The following ANXA9 variants were observed in gnomAD, a reference collection of about 807,000 sequenced individuals.
ANXA9 encodes annexin A9, also known as annexin 31.
A neutral mutation model predicts 51.8 loss-of-function variants in ANXA9; 47 were observed. The ratio of observed to expected loss-of-function variants is 0.91; its 90% CI spans 0.72 to 1.16. ANXA9 has a LOEUF of 1.16. Among genes scored for constraint, ANXA9 ranks in the 50% most tolerant of loss-of-function variants. ANXA9 has a pLI of 0.00. For synonymous variants in ANXA9, 154 were observed against 168.7 expected, an observed-to-expected ratio of 0.91 and a Z score of 0.68; for missense variants, 361 against 424.7, an observed-to-expected ratio of 0.85 and a Z score of 1.32.
Position 150,986,585 on chromosome 1 carries a change from A to G in ANXA9, c.553-17A>G. 1 of 1,611,300 alleles carries G rather than the reference A, an allele frequency of 6.2e-7. No individual in the cohort carries two copies. The highest frequency in any genetic ancestry group is 8.5e-7 in the Non-Finnish European group (1 of 1,178,926). On this transcript the variant is annotated splice_polypyrimidine_tract_variant and intron_variant, in intron 8 of 13. Coordinates refer to ENST00000368947, the MANE Select transcript of ANXA9 (RefSeq NM_003568.3). The stretch of plus-strand genomic sequence containing the variant: ...GTGCCCTTCAAAGAGCCCTCTAAGA[A>G]CAGTTTCTCCTCCTAGGGGGGCCGT...
intron 12 of ANXA9, among the ~76,000 whole-genome samples, chr1:150,993,633 C>CTTTTTTT (rs35186445): frequency 9.6e-6 from 1 of 104,186 alleles, no homozygotes; most frequent in Non-Finnish European, 1.8e-5. Context: ...TTCTTTCTTT[C>CTTTTTTT]TTTTTTTTTT....
intron 12 of ANXA9, among the ~76,000 whole-genome samples, chr1:150,990,251 C>T (rs1289018393): frequency 6.6e-6 from 1 of 151,228 alleles, no homozygotes; most frequent in South Asian, 2.1e-4. Context: ...TTAGAAGTTA[C>T]AGTGAGCTGT....
upstream of ANXA9, among the ~76,000 whole-genome samples, chr1:150,977,460 C>T (rs587726435): frequency 3.6e-4 from 55 of 152,340 alleles, no homozygotes; most frequent in African/African-American, 1.1e-3. Flanking sequence ...TCCCCCAACA[C>T]GCAGGCTGGC....
In ANXA9 at chr1:150,988,359, T is replaced by G; in HGVS notation, c.852+18T>G. On this transcript the variant is annotated intron_variant, in intron 12 of 13. Transcript: ENST00000368947. ...CCCTCCAGGTGAGAGGGGCACTCCT[T>G]TCCCTCCCCAGAACAGAAACTGGGG... The G allele has an allele frequency of 6.2e-7, 1 of 1,613,070 alleles. No individual in the cohort carries two copies. The highest frequency in any genetic ancestry group is 8.5e-7 in the Non-Finnish European group (1 of 1,179,486).
At chr1:150,984,114 AC>A in intron 5 of ANXA9, 45 bp downstream of exon 5, 1 of 1,589,582 alleles carries the variant, frequency 6.3e-7, no homozygotes, top group South Asian at 1.1e-5. Flanking sequence ...GGGGTGAGAA[AC>A]CCCCTGGAGG....
At chr1:150,994,245 C>T (rs1671778597) in intron 12 of ANXA9, among the ~76,000 whole-genome samples, 1 of 152,148 alleles carries the variant, frequency 6.6e-6, no homozygotes, top group South Asian at 2.1e-4. Context: ...TGCACCAAAT[C>T]TTTTCTAGCC....
rs1266015733 is a variant in ANXA9, at chr1:150,984,601, G to A, written c.397G>A (p.Val133Met). 4.3e-6 allele frequency: 7 copies of A among 1,614,114 alleles called. No individual in the cohort carries two copies. The highest frequency in any genetic ancestry group is 5.9e-6 in the Non-Finnish European group (7 of 1,179,992). The change falls in exon 7 of 14, where the codon GTG becomes ATG. Residue 133 changes from valine to methionine, a missense_variant. Physicochemically the swap from Val to Met is conservative, Grantham distance 21. Transcript: ENST00000368947. ...TTTCTTGTAGGCCTCAGATTCTGCTGTGGACGTGGCCATTGAAATTCTTGC... is the reference window on the plus strand; with the variant it reads ...TTTCTTGTAGGCCTCAGATTCTGCTATGGACGTGGCCATTGAAATTCTTGC... ...RTALKASDSA[V>M]DVAIEILATR...
intron 12 of ANXA9, among the ~76,000 whole-genome samples, chr1:150,990,044 C>G (rs990525550): frequency 6.6e-6 from 1 of 152,034 alleles, no homozygotes; most frequent in Non-Finnish European, 1.5e-5. Context: ...CATGGTGGCT[C>G]ACACCTGTAA....
intron 12 of ANXA9, among the ~76,000 whole-genome samples, chr1:150,992,503 C>T (rs757602134): frequency 3.9e-5 from 6 of 152,068 alleles, no homozygotes; most frequent in Admixed American, 3.3e-4. Context: ...GACCTGAGAT[C>T]GCACCACTGC....
chr1:150,986,331 C>G lies in ANXA9; in HGVS notation c.473-5C>G. 1 of 1,613,922 alleles carries G rather than the reference C, an allele frequency of 6.2e-7. No homozygotes were observed. Among genetic ancestry groups the G allele is most frequent in the Non-Finnish European group, 8.5e-7 (1 of 1,179,838 alleles). On this transcript the variant is annotated splice_region_variant and splice_polypyrimidine_tract_variant and intron_variant, in intron 7 of 13. Coordinates refer to ENST00000368947, the MANE Select transcript of ANXA9 (RefSeq NM_003568.3). ...GGATTCAGAGAGCTCCTCACCCCAC[C>G]CCAGATTTCCAGGTGGAGGCTGTGG... is the stretch of plus-strand genomic sequence containing the variant.
rs1431109061 is a variant in ANXA9, at chr1:150,983,575, GGT to G, written c.172+146_172+147del. On this transcript the variant is annotated intron_variant, in intron 4 of 13. Transcript: ENST00000368947. ...TTCTTGTATGTCAGGCGCCACAGTA[GGT>G]GTGTCAAACCCATTCTCACAACACC... 7.3e-6 allele frequency: 6 copies of G among 826,882 alleles called. No homozygotes were observed. The Admixed American group carries it at 1.6e-4, about 22-fold the overall frequency. 51.2% of individuals were successfully genotyped at this position (826,882 alleles called of 1,614,324 possible). A position where few individuals can be genotyped will look rare whatever the true frequency, so the allele number is the denominator to read the frequency against.
At position 150,994,637 on chromosome 1, in the gene ANXA9, C is replaced by T. The variant is rs1243885742; in HGVS notation, c.913C>T (p.Leu305Phe). 1 of 1,614,040 alleles carries T rather than the reference C, an allele frequency of 6.2e-7. No individual in the cohort carries two copies. The highest frequency in any genetic ancestry group is 1.7e-5 in the Admixed American group (1 of 60,004). Residue 305 changes from leucine to phenylalanine, a missense_variant, in exon 13 of 14, where the codon CTT becomes TTT. Leu to Phe is a conservative substitution (Grantham distance 22, BLOSUM62 0). Coordinates refer to ENST00000368947, the MANE Select transcript of ANXA9 (RefSeq NM_003568.3). ...CCTTATCTCTCGATGTGAGACTGAC[C>T]TTCTGAGTATCAGAGCTGAGTTCAG... is the stretch of plus-strand genomic sequence containing the variant. ...RILISRCETD[L>F]LSIRAEFRKK...
chr1:150,994,666 G>T lies in ANXA9; in HGVS notation c.942G>T (p.Lys314Asn), dbSNP rs199963577. The change falls in exon 13 of 14, where the codon AAG becomes AAT. Residue 314 changes from lysine to asparagine, a missense_variant. Lys to Asn is a moderately conservative substitution (Grantham distance 94). Transcript: ENST00000368947. ...TGAGTATCAGAGCTGAGTTCAGGAAGAAATTTGGGAAGTCCCTCTACTCTT... is the reference window on the plus strand; with the variant it reads ...TGAGTATCAGAGCTGAGTTCAGGAATAAATTTGGGAAGTCCCTCTACTCTT... ...DLLSIRAEFR[K>N]KFGKSLYSSL... is the part of the protein sequence containing the mutation. The T allele has an allele frequency of 2.1e-4, 340 of 1,614,072 alleles. 3 individuals are homozygous for T. In the Admixed American group the frequency reaches 4.9e-3, roughly 23 times the overall value.
At chr1:150,989,707 A>T (rs1196232527) in intron 12 of ANXA9, among the ~76,000 whole-genome samples, 1 of 152,166 alleles carries the variant, frequency 6.6e-6, no homozygotes, top group African/African-American at 2.4e-5. Context: ...TCATTTTGGC[A>T]GATGGAATAG....
chr1:150,995,178 T>C (rs1222142665), intron 13 of ANXA9, 82 bp from the exon 14 acceptor site: 2 of 1,415,128 alleles, frequency 1.4e-6, no homozygotes, highest in Admixed American at 2.0e-5. Context: ...TGAACTGTGA[T>C]GGACCAGCCC....
At position 150,987,884 on chromosome 1, in the gene ANXA9, G is replaced by A. The variant is rs768715836; in HGVS notation, c.625G>A (p.Ala209Thr). The change falls in exon 10 of 14, where the codon GCA (alanine) becomes ACA (threonine). Residue 209 changes from alanine to threonine, a missense_variant. Ala to Thr is a moderately conservative substitution (Grantham distance 58). Coordinates refer to ENST00000368947, the MANE Select transcript of ANXA9 (RefSeq NM_003568.3). ...AEQDVQALQRAEGPSREETWV... is the reference protein window; with the variant it reads ...AEQDVQALQRTEGPSREETWV... The stretch of plus-strand genomic sequence containing the variant: ...TCCTCCCTCCTAGGCACTGCAGCGG[G>A]CAGAAGGACCTAGCAGAGAGGAAAC... 1.9e-6 allele frequency: 3 copies of A among 1,613,986 alleles called. No homozygotes were observed. The highest frequency in any genetic ancestry group is 1.6e-4 in the Middle Eastern group (1 of 6,062).
At chr1:150,978,566 T>G (rs1012878218), upstream of ANXA9, among the ~76,000 whole-genome samples, 4 of 152,044 alleles carry the variant, frequency 2.6e-5, no homozygotes, top group Admixed American at 6.6e-5. Context: ...TCGCCTGCAT[T>G]GAGGGATGAA....
rs1671826936 is a variant in ANXA9 at position 150,995,417 on chromosome 1, C to T, written c.*95C>T. The T allele has an allele frequency of 8.9e-7, 1 of 1,124,656 alleles. No individual in the cohort carries two copies. Among genetic ancestry groups the T allele is most frequent in the South Asian group, 1.6e-5 (1 of 64,202 alleles). 69.7% of individuals were successfully genotyped at this position (1,124,656 alleles called of 1,614,324 possible). On this transcript the variant is annotated 3_prime_UTR_variant, in exon 14 of 14. Coordinates refer to ENST00000368947, the MANE Select transcript of ANXA9 (RefSeq NM_003568.3). ...CCAGCTGGGCCTCCAAGTAGGATAA[C>T]CCCTCACTGAGCACCACATTCTCTA...
At chr1:150,987,733 A>G (rs977317074) in intron 9 of ANXA9, 139 bp from the exon 10 acceptor site, 11 of 729,410 alleles carry the variant, frequency 1.5e-5, no homozygotes, top group Non-Finnish European at 2.5e-5. Flanking sequence ...TTCTCAAAAA[A>G]AAAAAAAAAA....
Sources: gnomAD v4.1 joint callset for allele counts (sites outside exome capture counted in the v4.1 genomes callset) on GRCh38, gnomAD v4.1.1 for gene constraint, MANE v1.5 for transcripts, NCBI Gene and HGNC (gene_info 2026-07-23, HGNC 2026-07-21) for gene names.